Variants in SERPINE2 observed in about 807,000 individuals in gnomAD.
SERPINE2 encodes the protein serpin family E member 2, also known as glia-derived nexin.
In SERPINE2, 14 loss-of-function variants were observed where a neutral mutation model predicts 36.3. The observed-to-expected ratio is 0.39, with a 90% CI of 0.25 to 0.60. SERPINE2 has a LOEUF of 0.60. Among genes scored for constraint, SERPINE2 ranks in the 20% least tolerant of loss-of-function variants. The pLI, the probability that SERPINE2 is intolerant of heterozygous loss-of-function variation, is 0.57. For missense variants in SERPINE2, 418 were observed against 499.6 expected (o/e 0.84, Z 1.56); for synonymous variants, 192 against 191.8 (o/e 1.00, Z -0.01).
At chr2:223,977,651 GT>G in intron 7 of SERPINE2, 24 bp from the exon 8 acceptor site, 1 of 1,528,210 alleles carries the variant, frequency 6.5e-7, no homozygotes, top group Non-Finnish European at 9.1e-7. Context: ...AGGAAAATGT[GT>G]TGTGCACATT....
intron 1 of SERPINE2, among the ~76,000 whole-genome samples, chr2:224,013,314 G>T (rs1187007472): frequency 2.6e-5 from 4 of 152,140 alleles, no homozygotes; most frequent in Non-Finnish European, 5.9e-5. Flanking sequence ...TATCCATAAG[G>T]CATGGACTCT....
chr2:224,001,505 A>G, intron 2 of SERPINE2, 137 bp downstream of exon 2: 1 of 913,484 alleles, frequency 1.1e-6, no homozygotes, highest in African/African-American at 1.7e-5. Context: ...GACTGACCCC[A>G]AGCCCCAAGT....
chr2:224,038,607 G>A lies in SERPINE2; in HGVS notation c.-23+492C>T, dbSNP rs542630931. Reference sequence around the variant, plus strand: ...CCAAGTTAAAGGCTTTCCCCACACCGCGCGTCACCTCCCTCTGCCCAGGCA... The same window carrying A: ...CCAAGTTAAAGGCTTTCCCCACACCACGCGTCACCTCCCTCTGCCCAGGCA... On this transcript the variant is annotated intron_variant, in intron 1 of 8. Coordinates refer to ENST00000409304, the MANE Select transcript of SERPINE2 (RefSeq NM_001136528.2). 8.7e-6 allele frequency: 9 copies of A among 1,028,596 alleles called. No individual in the cohort carries two copies. The Admixed American group carries it at 1.6e-4, about 18-fold the overall frequency. The allele number at this position is 1,028,596 out of a possible 1,614,324, so 63.7% of individuals were successfully genotyped here. A position where few individuals can be genotyped will look rare whatever the true frequency, so the allele number is the denominator to read the frequency against.
At chr2:224,026,798 GTCATAGATATTTAAT>G (rs1692201310) in intron 1 of SERPINE2, among the ~76,000 whole-genome samples, 1 of 152,172 alleles carries the variant, frequency 6.6e-6, no homozygotes, top group Non-Finnish European at 1.5e-5. Flanking sequence ...GTGTCTTGCT[GTCATAGATATTTAAT>G]GCTTCACACC....
chr2:224,011,649 T>C (rs529237237), intron 1 of SERPINE2, among the ~76,000 whole-genome samples: 67 of 152,324 alleles, frequency 4.4e-4, no homozygotes, highest in Non-Finnish European at 6.5e-4. Context: ...GAAATGTAAA[T>C]TGATTTTTTA....
chr2:224,031,470 C>G, intron 1 of SERPINE2: 1 of 985,554 alleles, frequency 1.0e-6, no homozygotes, highest in Non-Finnish European at 1.2e-6. Flanking sequence ...TTCCTCCTAA[C>G]CAAGGATTGA....
At chr2:224,027,739 T>C (rs999583796) in intron 1 of SERPINE2, among the ~76,000 whole-genome samples, 1 of 152,194 alleles carries the variant, frequency 6.6e-6, no homozygotes, top group African/African-American at 2.4e-5. Context: ...TGTTATTAAA[T>C]ATCATGGATG....
chr2:224,001,717 G>A lies in SERPINE2; in HGVS notation c.184C>T (p.Leu62=). The change falls in exon 2 of 9, where the codon CTG becomes TTG. Residue 62 remains leucine (L), a synonymous_variant. Coordinates refer to ENST00000409304, the MANE Select transcript of SERPINE2 (RefSeq NM_001136528.2). ...TCCGCCCCCAGCTGAAGCATCCCCA[G>A]GACCGACGCAATCCCATGGGGAGAG... ...VISPHGIASV[L]GMLQLGADGR... is the part of the protein sequence containing the mutation. The A allele has an allele frequency of 6.2e-7, 1 of 1,614,190 alleles. No homozygotes were observed. The highest frequency in any genetic ancestry group is 8.5e-7 in the Non-Finnish European group (1 of 1,180,036).
At position 223,975,923 on chromosome 2, in the gene SERPINE2, A is replaced by C; in HGVS notation, c.1157-19T>G. 6.3e-7 allele frequency: 1 copy of C among 1,586,820 alleles called. No individual in the cohort carries two copies. Among genetic ancestry groups the C allele is most frequent in the Non-Finnish European group, 8.6e-7 (1 of 1,161,100 alleles). The stretch of plus-strand genomic sequence containing the variant: ...ACAGCACCTACAGAATTAAAAGAAA[A>C]CAATGCATGACTCTGTAAATTAATA... On this transcript the variant is annotated intron_variant, in intron 8 of 8. Coordinates refer to ENST00000409304, the MANE Select transcript of SERPINE2 (RefSeq NM_001136528.2).
intron 8 of SERPINE2, among the ~76,000 whole-genome samples, chr2:223,976,980 T>C (rs565121835): frequency 5.9e-5 from 9 of 152,180 alleles, no homozygotes; most frequent in Admixed American, 1.3e-4. Context: ...TGAGTTCTCA[T>C]GAGATCTGAT....
chr2:224,022,784 T>C (rs900809188), intron 1 of SERPINE2, among the ~76,000 whole-genome samples: 2 of 152,148 alleles, frequency 1.3e-5, no homozygotes, highest in African/African-American at 4.8e-5. Flanking sequence ...CAAAATCTCT[T>C]CTTGAATTAT....
intron 1 of SERPINE2, among the ~76,000 whole-genome samples, chr2:224,024,594 T>C (rs1692122249): frequency 6.6e-6 from 1 of 152,234 alleles, no homozygotes; most frequent in Non-Finnish European, 1.5e-5. Flanking sequence ...GTCACATACC[T>C]GATCTGCAAC....
chr2:224,022,496 T>C (rs1692039889), intron 1 of SERPINE2, among the ~76,000 whole-genome samples: 2 of 152,164 alleles, frequency 1.3e-5, no homozygotes, highest in South Asian at 2.1e-4. Context: ...ATGAAAGGAC[T>C]CAGAAATTAT....
intron 1 of SERPINE2, among the ~76,000 whole-genome samples, chr2:224,009,405 A>C (rs1336789976): frequency 6.6e-6 from 1 of 152,132 alleles, no homozygotes; most frequent in African/African-American, 2.4e-5. Flanking sequence ...CAAAGAAATA[A>C]ATGTACAGGC....
At chr2:223,995,845 A>T (rs537175767) in intron 3 of SERPINE2, among the ~76,000 whole-genome samples, 1 of 152,290 alleles carries the variant, frequency 6.6e-6, no homozygotes, top group Non-Finnish European at 1.5e-5. Context: ...GTCAATTCAC[A>T]ATTATTCTGA....
intron 1 of SERPINE2, among the ~76,000 whole-genome samples, chr2:224,019,474 T>C (rs78755071): frequency 0.015 from 2,356 of 152,256 alleles, 53 homozygotes; most frequent in African/African-American, 0.053. Context: ...TTCATGCCTA[T>C]GTTCCCTCTA....
chr2:224,013,114 T>A (rs1691686354), intron 1 of SERPINE2, among the ~76,000 whole-genome samples: 1 of 152,308 alleles, frequency 6.6e-6, no homozygotes, highest in East Asian at 1.9e-4. Context: ...TTAATTTTTT[T>A]ATTCTCTGTG....
intron 3 of SERPINE2, among the ~76,000 whole-genome samples, chr2:223,995,337 A>G (rs540159219): frequency 6.6e-6 from 1 of 152,324 alleles, no homozygotes; most frequent in African/African-American, 2.4e-5. Context: ...GAGCTCTACC[A>G]TGTGGTCATG....
intron 1 of SERPINE2, chr2:224,038,391 T>C: frequency 2.1e-6 from 2 of 958,132 alleles, no homozygotes; most frequent in Admixed American, 2.0e-5. Flanking sequence ...GGTGGAGTGC[T>C]GTCTTATGTA....
Sources: allele counts gnomAD v4.1 joint callset (sites outside exome capture counted in the v4.1 genomes callset), GRCh38; gene constraint gnomAD v4.1.1; transcripts MANE v1.5; gene names NCBI Gene and HGNC (gene_info 2026-07-23, HGNC 2026-07-21).